CREB3L3: variants seen among roughly 807,000 people sequenced by gnomAD.
The protein encoded by CREB3L3 is cyclic AMP-responsive element-binding protein 3-like protein 3.
CREB3L3 carries 40 observed loss-of-function variants against 44.6 expected under a neutral mutation model. That is an observed-to-expected ratio of 0.90 (90% CI 0.70 to 1.17). The LOEUF is 1.17. Ranked by LOEUF, CREB3L3 falls within the 50% of genes most tolerant of loss-of-function variation. The pLI is 0.00. For missense variants in CREB3L3, 578 were observed against 595.8 expected (o/e 0.97, Z 0.31); for synonymous variants, 273 against 256.3 (o/e 1.06, Z -0.62).
intron 5 of CREB3L3, among the ~76,000 whole-genome samples, chr19:4,166,004 G>A (rs1426637133): frequency 6.6e-6 from 1 of 152,046 alleles, no homozygotes; most frequent in African/African-American, 2.4e-5. Context: ...TGGCTGGGTA[G>A]CTGTTTGGGT....
At chr19:4,166,421 ATTTTTTTTTTT>A (rs35783380) in intron 5 of CREB3L3, among the ~76,000 whole-genome samples, 2 of 103,764 alleles carry the variant, frequency 1.9e-5, no homozygotes, top group African/African-American at 3.8e-5. Flanking sequence ...CGCCTGGCTA[ATTTTTTTTTTT>A]TTTTTTTTTT....
chr19:4,164,536 C>T lies in CREB3L3; in HGVS notation c.610C>T (p.Arg204Ter), dbSNP rs376781216. The T allele has an allele frequency of 1.2e-5, 19 of 1,613,944 alleles. No individual in the cohort carries two copies. The highest frequency in any genetic ancestry group is 2.7e-5 in the African/African-American group (2 of 74,914). ...TCACCTGGGGGCCTCCTACCTCCTG[C>T]GACCTGGGGCTGGGCACTGTCAGGA... ...QHHLGASYLL[R>*]PGAGHCQELV... is the part of the protein sequence containing the mutation. Residue 204 changes from arginine (R) to a stop codon, truncating the protein, a stop_gained, in exon 5 of 10, where the codon CGA becomes TGA. Transcript: ENST00000078445. LOFTEE classifies it high-confidence loss of function.
chr19:4,171,232 T>C lies in CREB3L3; in HGVS notation c.975+57T>C. ...ACCTAGGCTTCTGTAGAGGGGCCCA[T>C]AGGGAGGTGACAATGAGTCCAAGCT... On this transcript the variant is annotated intron_variant, in intron 8 of 9. Transcript: ENST00000078445. The surrounding 1 kb of genome is among the most constrained non-coding windows in gnomAD (Gnocchi z 4.9). The C allele has an allele frequency of 6.6e-7, 1 of 1,521,672 alleles. No individual in the cohort carries two copies. Among genetic ancestry groups the C allele is most frequent in the Non-Finnish European group, 9.1e-7 (1 of 1,096,164 alleles). 94.3% of individuals were successfully genotyped at this position (1,521,672 alleles called of 1,614,324 possible).
rs771151659 is a variant in CREB3L3 at position 4,171,920 on chromosome 19, G to T, written c.1337G>T (p.Ser446Ile). 2 of 1,611,560 alleles carry T rather than the reference G, an allele frequency of 1.2e-6. No individual in the cohort carries two copies. The highest frequency in any genetic ancestry group is 1.7e-6 in the Non-Finnish European group (2 of 1,179,392). ...CTGGACTGGGTGGCGCCTGGGCCGA[G>T]CACTGGCTCAGGACGTGCAGGGCTG... ...ALLDWVAPGP[S>I]TGSGRAGLEA... The change falls in exon 10 of 10, where the codon AGC (serine) becomes ATC (isoleucine). Residue 446 changes from serine to isoleucine, a missense_variant. Ser to Ile is a moderately radical substitution (Grantham distance 142, BLOSUM62 -2). Coordinates refer to ENST00000078445, the MANE Select transcript of CREB3L3 (RefSeq NM_032607.3). This position sits in a 1 kb window ranked among gnomAD's most constrained non-coding sequence, Gnocchi z 4.9.
chr19:4,157,368 G>A (rs1348993575), intron 3 of CREB3L3, 73 bp downstream of exon 3: 15 of 1,525,140 alleles, frequency 9.8e-6, no homozygotes, highest in Middle Eastern at 1.7e-4. Flanking sequence ...AGGAAATGGA[G>A]GCCCAGAGAG....
chr19:4,166,058 A>T (rs939678749), intron 5 of CREB3L3, among the ~76,000 whole-genome samples: 1 of 151,184 alleles, frequency 6.6e-6, no homozygotes, highest in South Asian at 2.1e-4. Context: ...TGCACTCAGT[A>T]TCAATGCCTG....
intron 3 of CREB3L3, among the ~76,000 whole-genome samples, chr19:4,158,497 GA>G (rs1358335846): frequency 6.7e-6 from 1 of 149,810 alleles, no homozygotes; most frequent in East Asian, 2.0e-4. Context: ...ACTCTGTCTC[GA>G]AAAAAAGCCA....
rs199816376 is a variant in CREB3L3 at position 4,167,529 on chromosome 19, A to AAAGG, written c.715-813_715-810dup. Among the ~76,000 whole-genome samples, 218 of 134,908 alleles carry AAAGG rather than the reference A, an allele frequency of 1.6e-3. 3 individuals are homozygous for AAAGG. In the East Asian group the frequency reaches 0.025, roughly 16 times the overall value. 88.5% of individuals were successfully genotyped at this position (134,908 alleles called of 152,430 possible). A position where few individuals can be genotyped will look rare whatever the true frequency, so the allele number is the denominator to read the frequency against. On this transcript the variant is annotated intron_variant, in intron 5 of 9. Transcript: ENST00000078445. ...GAAAGAGAGAAAGAGAGAAAGGGAGAAAGGAAGGAAGGGAGGGAGGGAGGG... is the reference window on the plus strand; with the variant it reads ...GAAAGAGAGAAAGAGAGAAAGGGAGAAAGGAAGGAAGGAAGGGAGGGAGGGAGGG...
intron 6 of CREB3L3, among the ~76,000 whole-genome samples, chr19:4,168,882 G>A (rs936499148): frequency 4.6e-5 from 7 of 151,964 alleles, no homozygotes; most frequent in African/African-American, 1.7e-4. Flanking sequence ...CAGGTGCATG[G>A]CCACCACGCC....
intron 5 of CREB3L3, among the ~76,000 whole-genome samples, chr19:4,166,882 C>A (rs1200283793): frequency 6.6e-6 from 1 of 152,086 alleles, no homozygotes; most frequent in East Asian, 1.9e-4. Flanking sequence ...CCACACCCAG[C>A]TGATTTTGTG....
intron 5 of CREB3L3, among the ~76,000 whole-genome samples, chr19:4,164,947 G>A (rs3852914): frequency 0.034 from 5,125 of 152,170 alleles, 274 homozygotes; most frequent in African/African-American, 0.12. Context: ...GACCTCATGT[G>A]ATCCTCCTGC....
chr19:4,170,391 C>A (rs1555704381), intron 7 of CREB3L3, among the ~76,000 whole-genome samples, 183 bp downstream of exon 7: 2 of 151,942 alleles, frequency 1.3e-5, no homozygotes, highest in African/African-American at 2.4e-5. Flanking sequence ...GGGTGGATCA[C>A]CTGAGGTCAG....
chr19:4,159,032 G>C (rs1055511284), intron 3 of CREB3L3, among the ~76,000 whole-genome samples: 2 of 152,160 alleles, frequency 1.3e-5, no homozygotes, highest in Non-Finnish European at 2.9e-5. Flanking sequence ...AATCTAGCCT[G>C]TAATTCTGTG....
At chr19:4,153,914 C>A in intron 1 of CREB3L3, 140 bp downstream of exon 1, 3 of 1,025,126 alleles carry the variant, frequency 2.9e-6, no homozygotes, top group African/African-American at 1.6e-5. Flanking sequence ...ATGCAATGAG[C>A]AAAACTGTGT....
At chr19:4,169,221 G>A (rs1009577010) in intron 6 of CREB3L3, among the ~76,000 whole-genome samples, 9 of 151,954 alleles carry the variant, frequency 5.9e-5, no homozygotes, top group East Asian at 5.9e-4. Flanking sequence ...GCCGGGCGCC[G>A]TGGCTCACAC....
Position 4,161,162 on chromosome 19 carries a change from T to C in CREB3L3, c.576+1380T>C, listed in dbSNP as rs564331850. ...TATTTTTAGTGGAGACAGGGTTTCA[T>C]CATGTTAGCCAGGATGGTCTCGATC... On this transcript the variant is annotated intron_variant, in intron 4 of 9. Transcript: ENST00000078445. Among the ~76,000 whole-genome samples, 41 of 152,160 alleles carry C rather than the reference T, an allele frequency of 2.7e-4. No homozygotes were observed. The Middle Eastern group carries it at 0.017, about 63-fold the overall frequency.
chr19:4,168,782 A>T lies in CREB3L3; in HGVS notation c.821+325A>T, dbSNP rs546900500. 9.2e-5 allele frequency among the ~76,000 whole-genome samples: 14 copies of T among 152,220 alleles called. No homozygotes were observed. In the East Asian group the frequency reaches 2.7e-3, roughly 29 times the overall value. ...GGTCTCCTTCTATCACCCAGGCTGG[A>T]GTGCAGTGGTGCGATCTTGGCTCAC... is the stretch of plus-strand genomic sequence containing the variant. On this transcript the variant is annotated intron_variant, in intron 6 of 9. Coordinates refer to ENST00000078445, the MANE Select transcript of CREB3L3 (RefSeq NM_032607.3).
At chr19:4,157,606 A>AG (rs1228056179) in intron 3 of CREB3L3, among the ~76,000 whole-genome samples, 1 of 152,218 alleles carries the variant, frequency 6.6e-6, no homozygotes, top group African/African-American at 2.4e-5. Flanking sequence ...GGTGCTGACA[A>AG]GCACAGCCCA....
At chr19:4,164,395 A>C in intron 4 of CREB3L3, 108 bp from the exon 5 acceptor site, 1 of 1,423,698 alleles carries the variant, frequency 7.0e-7, no homozygotes, top group South Asian at 1.2e-5. Context: ...GGCGTGAGCC[A>C]CCACACCCAG....
Sources: allele counts gnomAD v4.1 joint callset (sites outside exome capture counted in the v4.1 genomes callset), GRCh38; gene constraint gnomAD v4.1.1; non-coding constraint Gnocchi (gnomAD v3.1); transcripts MANE v1.5; gene names NCBI Gene and HGNC (gene_info 2026-07-23, HGNC 2026-07-21).